The following DIXDC1 variants were observed in gnomAD, a reference collection of about 807,000 sequenced individuals.
The protein encoded by DIXDC1 is dixin.
Under a neutral mutation model 103.1 loss-of-function variants are expected in DIXDC1, and 64 were observed. The observed-to-expected ratio is 0.62, with a 90% CI of 0.51 to 0.76. The LOEUF (loss-of-function observed/expected upper bound fraction) is 0.76, where lower values mean the gene tolerates loss of function less well. Among genes scored for constraint, DIXDC1 ranks in the 30% least tolerant of loss-of-function variants. The probability of loss-of-function intolerance (pLI) is 0.00; values close to 1 mark genes in which losing one functional copy is unlikely to be tolerated. For missense variants in DIXDC1, 759 were observed against 834.2 expected (o/e 0.91, Z 1.11); for synonymous variants, 266 against 298.5 (o/e 0.89, Z 1.12).
chr11:111,929,990 C>A (rs912796213), intron 2 of DIXDC1: 7 of 1,301,120 alleles, frequency 5.4e-6, no homozygotes, highest in Middle Eastern at 2.4e-4. Flanking sequence ...GGGGATTTCT[C>A]CATCAGGACT....
chr11:111,952,833 A>G (rs1216492694), intron 1 of DIXDC1, among the ~76,000 whole-genome samples: 3 of 151,938 alleles, frequency 2.0e-5, no homozygotes, highest in African/African-American at 7.3e-5. Flanking sequence ...AAAAAAAAAA[A>G]AAATCCAAAA....
chr11:112,014,171 CT>C (rs1195916040), intron 17 of DIXDC1, among the ~76,000 whole-genome samples: 2 of 152,218 alleles, frequency 1.3e-5, no homozygotes, highest in Non-Finnish European at 2.9e-5. Flanking sequence ...ACCCAAACTA[CT>C]GCACAGGATT....
intron 19 of DIXDC1, 35 bp from the exon 20 acceptor site, chr11:112,018,921 G>GT (rs782736183): frequency 1.3e-6 from 2 of 1,586,490 alleles, no homozygotes; most frequent in Non-Finnish European, 8.6e-7. Context: ...CAGATTCCCT[G>GT]TTTTTTCACT....
chr11:112,017,814 A>G lies in DIXDC1; in HGVS notation c.1900A>G (p.Ile634Val), dbSNP rs782555201. Residue 634 changes from isoleucine (I) to valine (V), a missense_variant, in exon 19 of 20, where the codon ATT (isoleucine) becomes GTT (valine). Physicochemically the swap from Ile to Val is conservative, Grantham distance 29. Transcript: ENST00000440460. This position sits in a 1 kb window ranked among gnomAD's most constrained non-coding sequence, Gnocchi z 4.0. ...EVTLKDFKAA[I>V]DREGNHRYHF... ...GACGTTAAAGGATTTTAAAGCAGCT[A>G]TTGATCGGGAAGGAAATCACCGGTA... 14 of 1,611,638 alleles carry G rather than the reference A, an allele frequency of 8.7e-6. No individual in the cohort carries two copies. The South Asian group carries it at 1.1e-4, about 13-fold the overall frequency.
intron 8 of DIXDC1, among the ~76,000 whole-genome samples, chr11:111,986,094 A>G (rs1481534935): frequency 6.6e-6 from 1 of 152,162 alleles, no homozygotes; most frequent in Non-Finnish European, 1.5e-5. Flanking sequence ...TCAAGCCTCC[A>G]TCCAGTATTC....
intron 1 of DIXDC1, among the ~76,000 whole-genome samples, chr11:111,929,570 G>A (rs1480839870): frequency 2.1e-5 from 3 of 140,632 alleles, no homozygotes; most frequent in African/African-American, 5.3e-5. Flanking sequence ...GTGCCGGAGT[G>A]AGACCTTATC....
In DIXDC1 at chr11:111,974,873, T is replaced by C. The variant is rs1860046851; in HGVS notation, c.549-3T>C. 9.3e-6 allele frequency: 15 copies of C among 1,613,142 alleles called. No homozygotes were observed. Among genetic ancestry groups the C allele is most frequent in the African/African-American group, 1.3e-5 (1 of 74,894 alleles). ...TCCCTTTGCTGGGGTCCTTTGACTT[T>C]AGGAACAGCAGCATGGATGAGGAAA... On this transcript the variant is annotated splice_region_variant and splice_polypyrimidine_tract_variant and intron_variant, in intron 4 of 19. Transcript: ENST00000440460.
intron 17 of DIXDC1, among the ~76,000 whole-genome samples, chr11:112,013,333 G>GGT (rs1566582316): frequency 1.1e-3 from 105 of 94,644 alleles, no homozygotes; most frequent in Non-Finnish European, 1.5e-3. Context: ...GGGGTGGGGT[G>GGT]GGGGGGGGGA....
At chr11:111,941,113 C>T (rs782403574) in intron 1 of DIXDC1, among the ~76,000 whole-genome samples, 5 of 152,150 alleles carry the variant, frequency 3.3e-5, no homozygotes, top group Non-Finnish European at 7.3e-5. Context: ...GACAGAGACC[C>T]ATCTCTTAAA....
At chr11:111,969,919 G>C (rs1202054860) in intron 3 of DIXDC1, among the ~76,000 whole-genome samples, 1 of 152,124 alleles carries the variant, frequency 6.6e-6, no homozygotes, top group African/African-American at 2.4e-5. Flanking sequence ...AGAAGAAAAA[G>C]TTAAACTATC....
At chr11:111,940,264 A>G (rs1434881691) in intron 1 of DIXDC1, among the ~76,000 whole-genome samples, 9 of 152,360 alleles carry the variant, frequency 5.9e-5, no homozygotes, top group East Asian at 5.8e-4. Flanking sequence ...ATGTCTGGCA[A>G]ATAACTCACG....
chr11:111,974,776 T>G, intron 4 of DIXDC1, 100 bp from the exon 5 acceptor site: 1 of 1,529,456 alleles, frequency 6.5e-7, no homozygotes, highest in Non-Finnish European at 8.8e-7. Context: ...CTTACTCATG[T>G]GTGTATACTG....
rs782770207 is a variant in DIXDC1, at chr11:112,020,736, T to A, written c.*1700T>A. The A allele has an allele frequency of 7.2e-5, 11 of 152,238 alleles. No individual in the cohort carries two copies. Among genetic ancestry groups the A allele is most frequent in the Non-Finnish European group, 1.2e-4 (8 of 68,038 alleles). The allele number at this position is 152,238 out of a possible 1,614,324, so 9.4% of individuals were successfully genotyped here. Reference sequence around the variant, plus strand: ...TGAAGGTAGTTTTGTGTAATCCAGTTGATTGCTCCTCTGGCAGAGAGAAGG... The same window carrying A: ...TGAAGGTAGTTTTGTGTAATCCAGTAGATTGCTCCTCTGGCAGAGAGAAGG... On this transcript the variant is annotated 3_prime_UTR_variant, in exon 20 of 20. Coordinates refer to ENST00000440460, the MANE Select transcript of DIXDC1 (RefSeq NM_001037954.4).
chr11:111,982,680 G>A (rs782355708), intron 7 of DIXDC1, among the ~76,000 whole-genome samples, 193 bp downstream of exon 7: 7 of 152,182 alleles, frequency 4.6e-5, no homozygotes, highest in South Asian at 2.1e-4. Flanking sequence ...GTGGGCTACC[G>A]TTCATAGCAC....
At chr11:111,996,881 C>T (rs587722912) in intron 17 of DIXDC1, among the ~76,000 whole-genome samples, 5 of 152,148 alleles carry the variant, frequency 3.3e-5, no homozygotes, top group South Asian at 2.1e-4. Flanking sequence ...GTGCTTAAGG[C>T]GTTTAGTTTA....
Position 111,977,343 on chromosome 11 carries a change from G to C in DIXDC1, c.656+2360G>C. On this transcript the variant is annotated intron_variant, in intron 5 of 19. Coordinates refer to ENST00000440460, the MANE Select transcript of DIXDC1 (RefSeq NM_001037954.4). This position sits in a 1 kb window ranked among gnomAD's most constrained non-coding sequence, Gnocchi z 6.1. ...GTGGCACGGAGTGGGATCGCCGCTG[G>C]GGACTCGAGGCGCAGCCTGCGCCGC... The C allele has an allele frequency of 1.0e-5, 11 of 1,069,978 alleles. No homozygotes were observed. The highest frequency in any genetic ancestry group is 1.2e-5 in the Non-Finnish European group (11 of 883,170). The allele number at this position is 1,069,978 out of a possible 1,614,324, so 66.3% of individuals were successfully genotyped here. A position where few individuals can be genotyped will look rare whatever the true frequency, so the allele number is the denominator to read the frequency against.
chr11:112,011,986 A>G lies in DIXDC1; in HGVS notation c.1757-4705A>G, dbSNP rs376856936. Among the ~76,000 whole-genome samples the G allele has an allele frequency of 1.4e-4, 22 of 152,348 alleles. No individual in the cohort carries two copies. In the East Asian group the frequency reaches 2.5e-3, roughly 17 times the overall value. ...AAAAAGGAAAAGAAAAACCCTCATG[A>G]AAATCTTAGGTATAAACTTCATAAA... On this transcript the variant is annotated intron_variant, in intron 17 of 19. Coordinates refer to ENST00000440460, the MANE Select transcript of DIXDC1 (RefSeq NM_001037954.4).
chr11:111,982,107 C>A (rs1242165831), intron 6 of DIXDC1: 5 of 380,696 alleles, frequency 1.3e-5, no homozygotes, highest in African/African-American at 1.0e-4. Flanking sequence ...TTAATACTTC[C>A]TAAGAGTTTT....
Position 111,977,710 on chromosome 11 carries a change from T to C in DIXDC1, c.656+2727T>C, listed in dbSNP as rs1022479683. 7 of 1,548,076 alleles carry C rather than the reference T, an allele frequency of 4.5e-6. No homozygotes were observed. Among genetic ancestry groups the C allele is most frequent in the Non-Finnish European group, 5.2e-6 (6 of 1,145,502 alleles). On this transcript the variant is annotated intron_variant, in intron 5 of 19. Coordinates refer to ENST00000440460, the MANE Select transcript of DIXDC1 (RefSeq NM_001037954.4). This position sits in a 1 kb window ranked among gnomAD's most constrained non-coding sequence, Gnocchi z 6.1. ...TGCCTGAATTTGGGAGCGATGTGAC[T>C]CTCAGCCTCCCACTTCACCCGGGGA...
Sources: allele counts gnomAD v4.1 joint callset (sites outside exome capture counted in the v4.1 genomes callset), GRCh38; gene constraint gnomAD v4.1.1; non-coding constraint Gnocchi (gnomAD v3.1); transcripts MANE v1.5; gene names NCBI Gene and HGNC (gene_info 2026-07-23, HGNC 2026-07-21).